MACO1: variants seen among roughly 807,000 people sequenced by gnomAD.
The protein encoded by MACO1 is macoilin 1.
A neutral mutation model predicts 78.7 loss-of-function variants in MACO1; 14 were observed. The observed-to-expected ratio is 0.18, with a 90% CI of 0.12 to 0.28. MACO1 has a LOEUF of 0.28. MACO1 is among the 10% of genes least tolerant of loss of function. The probability of loss-of-function intolerance (pLI) is 1.00; values close to 1 mark genes in which losing one functional copy is unlikely to be tolerated. For missense variants in MACO1, 501 were observed against 799.0 expected, an observed-to-expected ratio of 0.63 and a Z score of 4.50; for synonymous variants, 288 against 291.6, an observed-to-expected ratio of 0.99 and a Z score of 0.12.
chr1:25,439,258 T>C lies in MACO1; in HGVS notation c.81-7504T>C, dbSNP rs942390413. ...TTTAAAGAAAAAAAATAGCCAGGCA[T>C]GGTGGCTCTTGCCTGTCACCCTTGC... On this transcript the variant is annotated intron_variant, in intron 1 of 10. Coordinates refer to ENST00000374343, the MANE Select transcript of MACO1 (RefSeq NM_018202.6). Among the ~76,000 whole-genome samples the C allele has an allele frequency of 5.9e-5, 9 of 152,220 alleles. 1 individual carries two copies. The highest frequency in any genetic ancestry group is 2.2e-4 in the African/African-American group (9 of 41,546).
intron 6 of MACO1, among the ~76,000 whole-genome samples, chr1:25,461,152 A>G (rs1466562699): frequency 2.8e-5 from 4 of 141,080 alleles, no homozygotes; most frequent in East Asian, 2.2e-4. Context: ...ATAGGTGGGA[A>G]TTGAACAAGG....
chr1:25,479,357 C>G (rs1279077511), intron 6 of MACO1, among the ~76,000 whole-genome samples: 2 of 152,102 alleles, frequency 1.3e-5, no homozygotes, highest in Non-Finnish European at 2.9e-5. Flanking sequence ...TAGTAGTTAT[C>G]TGTTTAATAA....
In MACO1 at chr1:25,458,570, C is replaced by T. The variant is rs1315397927; in HGVS notation, c.832C>T (p.Pro278Ser). 3 of 1,613,520 alleles carry T rather than the reference C, an allele frequency of 1.9e-6. No homozygotes were observed. Among genetic ancestry groups the T allele is most frequent in the African/African-American group, 1.3e-5 (1 of 74,782 alleles). The change falls in exon 6 of 11, where the codon CCT becomes TCT. Residue 278 changes from proline (P) to serine (S), a missense_variant. Around this residue, in one of 5 missense-constraint regions of MACO1, gnomAD observed 90 missense variants for 85.7 expected, o/e 1.05. Coordinates refer to ENST00000374343, the MANE Select transcript of MACO1 (RefSeq NM_018202.6). ...LGINNNNILQ[P>S]VDSKIQEIEY... is the part of the protein sequence containing the mutation. The stretch of plus-strand genomic sequence containing the variant: ...AATAAATAACAACAATATTCTACAA[C>T]CTGTAGACTCTAAAATACAAGAGAT...
At chr1:25,434,738 T>G (rs1388853588) in intron 1 of MACO1, among the ~76,000 whole-genome samples, 2 of 152,148 alleles carry the variant, frequency 1.3e-5, no homozygotes, top group African/African-American at 4.8e-5. Flanking sequence ...TGAACATAAG[T>G]TATTAAGTAC....
chr1:25,458,841 T>G lies in MACO1; in HGVS notation c.1103T>G (p.Met368Arg), dbSNP rs1290736618. 6.2e-7 allele frequency: 1 copy of G among 1,614,174 alleles called. No homozygotes were observed. Among genetic ancestry groups the G allele is most frequent in the Non-Finnish European group, 8.5e-7 (1 of 1,180,020 alleles). ...SKSPSTHKDL[M>R]ENCIPNNQLS... is the part of the protein sequence containing the mutation. ...AGCCCAAGTACACACAAGGACTTAA[T>G]GGAAAACTGTATTCCTAATAACCAG... is the stretch of plus-strand genomic sequence containing the variant. The change falls in exon 6 of 11, where the codon ATG (methionine) becomes AGG (arginine). Residue 368 changes from methionine to arginine, a missense_variant. Transcript: ENST00000374343.
chr1:25,454,398 A>ATGTG lies in MACO1; in HGVS notation c.473+19_473+20insGTGT, dbSNP rs66568068. On this transcript the variant is annotated intron_variant, in intron 4 of 10. Transcript: ENST00000374343. ...CTGCTCACTGGTAAGTATTACATAA[A>ATGTG]TGTATGTGTGTGTGTGTGTATATGT... is the stretch of plus-strand genomic sequence containing the variant. 5,128 of 1,527,884 alleles carry ATGTG rather than the reference A, an allele frequency of 3.4e-3. 73 individuals are homozygous for ATGTG. Among genetic ancestry groups the ATGTG allele is most frequent in the South Asian group, 0.023 (1,843 of 80,858 alleles). 94.6% of individuals were successfully genotyped at this position (1,527,884 alleles called of 1,614,324 possible). A position where few individuals can be genotyped will look rare whatever the true frequency, so the allele number is the denominator to read the frequency against.
At chr1:25,461,579 C>A (rs892839821) in intron 6 of MACO1, among the ~76,000 whole-genome samples, 1 of 151,422 alleles carries the variant, frequency 6.6e-6, no homozygotes, top group South Asian at 2.1e-4. Flanking sequence ...TTCCTTCCCC[C>A]CCCTCAAAAA....
intron 6 of MACO1, among the ~76,000 whole-genome samples, chr1:25,463,620 G>A (rs1339871156): frequency 6.6e-6 from 1 of 152,164 alleles, no homozygotes; most frequent in African/African-American, 2.4e-5. Context: ...TAAGTACTAA[G>A]TTGCAAAGGA....
chr1:25,498,613 C>T lies in MACO1; in HGVS notation c.*147C>T. 1 of 738,756 alleles carries T rather than the reference C, an allele frequency of 1.4e-6. No individual in the cohort carries two copies. Among genetic ancestry groups the T allele is most frequent in the African/African-American group, 1.8e-5 (1 of 56,550 alleles). The allele number at this position is 738,756 out of a possible 1,614,324, so 45.8% of individuals were successfully genotyped here. ...TTTTTAAAAAGGGGGGAAAAGATAA[C>T]ATCCAAGTCTGATTAGAACTGCCCA... On this transcript the variant is annotated 3_prime_UTR_variant, in exon 11 of 11. Transcript: ENST00000374343.
intron 5 of MACO1, among the ~76,000 whole-genome samples, chr1:25,457,954 A>T (rs1044384430): frequency 6.6e-6 from 1 of 152,144 alleles, no homozygotes; most frequent in African/African-American, 2.4e-5. Flanking sequence ...TGTTTCATTT[A>T]ACCTCTTTCT....
intron 3 of MACO1, 104 bp from the exon 4 acceptor site, chr1:25,454,155 A>C: frequency 1.6e-6 from 2 of 1,288,226 alleles, no homozygotes; most frequent in South Asian, 2.2e-5. Flanking sequence ...GTTTAGGTGA[A>C]GGTCTTAATG....
chr1:25,456,718 T>G lies in MACO1; in HGVS notation c.539T>G (p.Leu180Ter). ...AGTTACGTAAGCTACAAAATGCGGT[T>G]AAGGAAGCAAAAAGAAGTACAAAAA... ...FKSYVSYKMR[L>*]RKQKEVQKEN... The change falls in exon 5 of 11, where the codon TTA becomes TGA. Residue 180 changes from leucine to a stop codon, truncating the protein, a stop_gained. Transcript: ENST00000374343. LOFTEE classifies it high-confidence loss of function. 1 of 1,614,084 alleles carries G rather than the reference T, an allele frequency of 6.2e-7. No individual in the cohort carries two copies.
chr1:25,498,626 T>C lies in MACO1; in HGVS notation c.*160T>C. On this transcript the variant is annotated 3_prime_UTR_variant, in exon 11 of 11. Transcript: ENST00000374343. The stretch of plus-strand genomic sequence containing the variant: ...GGGAAAAGATAACATCCAAGTCTGA[T>C]TAGAACTGCCCATCAGTTTTTCTTG... The C allele has an allele frequency of 1.6e-6, 1 of 635,252 alleles. No homozygotes were observed. The highest frequency in any genetic ancestry group is 2.6e-6 in the Non-Finnish European group (1 of 388,412). 39.4% of individuals were successfully genotyped at this position (635,252 alleles called of 1,614,324 possible). A position where few individuals can be genotyped will look rare whatever the true frequency, so the allele number is the denominator to read the frequency against.
chr1:25,487,346 G>T (rs1199447820), intron 8 of MACO1, among the ~76,000 whole-genome samples: 1 of 152,080 alleles, frequency 6.6e-6, no homozygotes, highest in East Asian at 1.9e-4. Context: ...TAGAGACGAG[G>T]TTTCACCATC....
At chr1:25,455,720 C>T (rs1199156207) in intron 4 of MACO1, among the ~76,000 whole-genome samples, 1 of 152,048 alleles carries the variant, frequency 6.6e-6, no homozygotes, top group Non-Finnish European at 1.5e-5. Flanking sequence ...CTGATCATAT[C>T]GGATACTTAT....
At chr1:25,442,443 C>A (rs545323171) in intron 1 of MACO1, among the ~76,000 whole-genome samples, 198 of 152,226 alleles carry the variant, frequency 1.3e-3, no homozygotes, top group African/African-American at 4.4e-3. Flanking sequence ...TAGTGAGGAC[C>A]AAATGAACTA....
At chr1:25,456,580 T>C in intron 4 of MACO1, 73 bp from the exon 5 acceptor site, 1 of 1,451,134 alleles carries the variant, frequency 6.9e-7, no homozygotes, top group East Asian at 2.3e-5. Flanking sequence ...AAGCCATAGG[T>C]ATTCTCATGT....
chr1:25,454,340 A>G lies in MACO1; in HGVS notation c.431A>G (p.Lys144Arg). The G allele has an allele frequency of 6.2e-7, 1 of 1,611,954 alleles. No homozygotes were observed. The change falls in exon 4 of 11, where the codon AAA becomes AGA. Residue 144 changes from lysine (K) to arginine (R), a missense_variant. By Grantham distance (26) the Lys-to-Arg change is conservative. Coordinates refer to ENST00000374343, the MANE Select transcript of MACO1 (RefSeq NM_018202.6). Reference sequence around the variant, plus strand: ...GCAGCCATTAGATTTAAAGATCTCAAAAACTTTCATGTAGACCTTTGTCGT... The same window carrying G: ...GCAGCCATTAGATTTAAAGATCTCAGAAACTTTCATGTAGACCTTTGTCGT... ...IEAAIRFKDLKNFHVDLCRPF... is the reference protein window; with the variant it reads ...IEAAIRFKDLRNFHVDLCRPF...
intron 6 of MACO1, among the ~76,000 whole-genome samples, chr1:25,479,276 T>C (rs1481503020): frequency 6.6e-6 from 1 of 152,194 alleles, no homozygotes; most frequent in Non-Finnish European, 1.5e-5. Flanking sequence ...ACTAATAAAT[T>C]ATATATCTGT....
Sources: allele counts gnomAD v4.1 joint callset (sites outside exome capture counted in the v4.1 genomes callset), GRCh38; gene constraint gnomAD v4.1.1; regional missense constraint gnomAD v4.1.1; transcripts MANE v1.5; gene names NCBI Gene and HGNC (gene_info 2026-07-23, HGNC 2026-07-21).